PDE1C: variants seen among roughly 807,000 people sequenced by gnomAD.
The protein encoded by PDE1C is phosphodiesterase 1C.
Under a neutral mutation model 93.1 loss-of-function variants are expected in PDE1C, and 62 were observed. That is an observed-to-expected ratio of 0.67 (90% CI 0.54 to 0.82). PDE1C has a LOEUF of 0.82. PDE1C is among the 40% of genes least tolerant of loss of function. The pLI is 0.00. For synonymous variants in PDE1C, 325 were observed against 310.1 expected (o/e 1.05, Z -0.50); for missense variants, 742 against 884.6 (o/e 0.84, Z 2.04).
chr7:32,016,092 T>G (rs555984509), intron 2 of PDE1C, among the ~76,000 whole-genome samples: 3 of 152,308 alleles, frequency 2.0e-5, no homozygotes, highest in East Asian at 3.9e-4. Flanking sequence ...TTAATTTGTA[T>G]ATAGTTAAAG....
At chr7:31,958,080 T>C (rs1808402590) in intron 2 of PDE1C, among the ~76,000 whole-genome samples, 1 of 152,240 alleles carries the variant, frequency 6.6e-6, no homozygotes, top group African/African-American at 2.4e-5. Context: ...AAAATTATTT[T>C]ACAGCTAACA....
At chr7:32,077,929 G>C (rs944562114) in intron 3 of PDE1C, 24 of 985,354 alleles carry the variant, frequency 2.4e-5, no homozygotes, top group Non-Finnish European at 2.9e-5. Flanking sequence ...CCTCCGGCTG[G>C]TCTGCTCTCC....
At chr7:32,397,828 C>CA (rs1017813534) in intron 1 of PDE1C, among the ~76,000 whole-genome samples, 2 of 150,322 alleles carry the variant, frequency 1.3e-5, no homozygotes, top group African/African-American at 2.5e-5. Flanking sequence ...GTCTGGCCAA[C>CA]ATGGTGAAAC....
chr7:31,796,373 A>G (rs1785313685), intron 16 of PDE1C, among the ~76,000 whole-genome samples: 1 of 151,660 alleles, frequency 6.6e-6, no homozygotes, highest in African/African-American at 2.4e-5. Context: ...GAATTTCCAG[A>G]CACAAAAATC....
the PDE1C span, among the ~76,000 whole-genome samples, chr7:31,744,888 G>A: frequency 1.3e-5 from 2 of 152,158 alleles, no homozygotes; most frequent in Admixed American, 1.3e-4. Context: ...ACTTTTAAAG[G>A]TAAGGCTCTA....
intron 1 of PDE1C, among the ~76,000 whole-genome samples, chr7:32,275,218 CT>C (rs1228349690): frequency 6.6e-6 from 1 of 152,142 alleles, no homozygotes; most frequent in Non-Finnish European, 1.5e-5. Flanking sequence ...GCCTTTTCTA[CT>C]GCTAGCAAAG....
intron 3 of PDE1C, among the ~76,000 whole-genome samples, chr7:32,087,243 T>G (rs1797150550): frequency 6.7e-6 from 1 of 149,558 alleles, no homozygotes; most frequent in African/African-American, 2.5e-5. Context: ...AAAAGACACA[T>G]GAAAAAATGT....
intron 2 of PDE1C, among the ~76,000 whole-genome samples, chr7:31,950,265 C>T (rs1444124498): frequency 6.6e-6 from 1 of 152,168 alleles, no homozygotes; most frequent in African/African-American, 2.4e-5. Flanking sequence ...AGCTCTACTC[C>T]CAATGGGCTT....
chr7:31,809,671 A>G (rs1359770625), intron 15 of PDE1C, among the ~76,000 whole-genome samples: 1 of 152,114 alleles, frequency 6.6e-6, no homozygotes, highest in African/African-American at 2.4e-5. Flanking sequence ...ATGAGGGAAT[A>G]GTAAGAGGAT....
chr7:31,999,238 C>T (rs1785149445), intron 2 of PDE1C, among the ~76,000 whole-genome samples: 1 of 152,100 alleles, frequency 6.6e-6, no homozygotes. Context: ...CAGACCTAAG[C>T]ATAAATTCAG....
intron 2 of PDE1C, among the ~76,000 whole-genome samples, chr7:31,984,470 G>A (rs2129064196): frequency 6.6e-6 from 1 of 152,278 alleles, no homozygotes; most frequent in South Asian, 2.1e-4. Context: ...ACCACCCACA[G>A]TGCCTCAAAG....
chr7:32,026,334 C>A (rs761075527), intron 2 of PDE1C, among the ~76,000 whole-genome samples: 1 of 152,126 alleles, frequency 6.6e-6, no homozygotes, highest in African/African-American at 2.4e-5. Flanking sequence ...CTCTGGTCTG[C>A]CATCTTCTCT....
rs1431538019 is a variant in PDE1C at position 32,020,873 on chromosome 7, G to A, written c.128+30681C>T. ...GAAATTCAAAGCCATGTTTTGCATT[G>A]CAGAAATTTCTAGACCCTCAGTCTG... On this transcript the variant is annotated intron_variant, in intron 2 of 17. Transcript: ENST00000396191. Among the ~76,000 whole-genome samples the A allele has an allele frequency of 2.0e-5, 3 of 152,200 alleles. No individual in the cohort carries two copies. In the East Asian group the frequency reaches 5.8e-4, roughly 29 times the overall value.
chr7:32,415,574 A>G (rs1261914218), intron 1 of PDE1C, among the ~76,000 whole-genome samples: 1 of 152,182 alleles, frequency 6.6e-6, no homozygotes, highest in Non-Finnish European at 1.5e-5. Flanking sequence ...ACACCTTTAG[A>G]AGCAGCCTGG....
rs1554293052 is a variant in PDE1C at position 32,237,742 on chromosome 7, G to GTGTATA, written c.86-28204_86-28203insTATACA. Among the ~76,000 whole-genome samples, 156 of 31,260 alleles carry GTGTATA rather than the reference G, an allele frequency of 5.0e-3. 3 individuals carry two copies. Among genetic ancestry groups the GTGTATA allele is most frequent in the Non-Finnish European group, 5.4e-3 (91 of 16,730 alleles). 20.5% of individuals were successfully genotyped at this position (31,260 alleles called of 152,430 possible). A position where few individuals can be genotyped will look rare whatever the true frequency, so the allele number is the denominator to read the frequency against. On this transcript the variant is annotated intron_variant, in intron 1 of 18. Transcript: ENST00000396193. Reference sequence around the variant, plus strand: ...AGCCACTATCCGCACTTGGCTCTGTGTATATATATATATATATATACTTTT... The same window carrying GTGTATA: ...AGCCACTATCCGCACTTGGCTCTGTGTGTATATATATATATATATATATATACTTTT...
At chr7:31,642,377 T>A in the PDE1C span, 1 of 733,038 alleles carries the variant, frequency 1.4e-6, no homozygotes. Flanking sequence ...GTGTTTTAAA[T>A]CAAGCCACAA....
At chr7:31,899,433 C>T (rs1390564665) in intron 2 of PDE1C, among the ~76,000 whole-genome samples, 1 of 152,106 alleles carries the variant, frequency 6.6e-6, no homozygotes, top group Admixed American at 6.6e-5. Flanking sequence ...TAAGCCACTG[C>T]GCCCGGCCGG....
At chr7:31,827,161 G>A (rs973318380) in intron 12 of PDE1C, among the ~76,000 whole-genome samples, 2 of 151,914 alleles carry the variant, frequency 1.3e-5, no homozygotes, top group African/African-American at 4.8e-5. Flanking sequence ...ATCCTACTCC[G>A]TACCCAATGT....
At chr7:32,218,822 C>T (rs1425853778) in intron 1 of PDE1C, among the ~76,000 whole-genome samples, 1 of 152,172 alleles carries the variant, frequency 6.6e-6, no homozygotes, top group Non-Finnish European at 1.5e-5. Flanking sequence ...TTCCAGATTT[C>T]AGGTTGACTC....
Sources: gnomAD v4.1 joint callset for allele counts (sites outside exome capture counted in the v4.1 genomes callset) on GRCh38, gnomAD v4.1.1 for gene constraint, MANE v1.5 for transcripts, NCBI Gene and HGNC (gene_info 2026-07-23, HGNC 2026-07-21) for gene names.